Variants in DACH2 observed in about 807,000 individuals in gnomAD.
The protein encoded by DACH2 is dachshund family transcription factor 2, also known as dachshund homolog 2.
DACH2 carries 17 observed loss-of-function variants against 35.8 expected under a neutral mutation model. The ratio of observed to expected loss-of-function variants is 0.48; its 90% CI spans 0.33 to 0.71. DACH2 has a LOEUF of 0.71. DACH2 is among the 30% of genes least tolerant of loss of function. DACH2 has a pLI of 0.02. For synonymous variants in DACH2, 195 were observed against 177.3 expected (o/e 1.10, Z -0.79); for missense variants, 469 against 472.7 (o/e 0.99, Z 0.07).
At chrX:86,490,786 CCTT>C (rs201772041) in intron 2 of DACH2, among the ~76,000 whole-genome samples, 1 of 111,241 alleles carries the variant, frequency 9.0e-6, no homozygotes, top group East Asian at 2.8e-4. Context: ...ATCAGGTTAA[CCTT>C]CTCTGTGATA....
intron 7 of DACH2, among the ~76,000 whole-genome samples, chrX:86,762,559 T>C (rs2041894027): frequency 8.9e-6 from 1 of 111,965 alleles, no homozygotes; most frequent in Admixed American, 9.5e-5. Context: ...TTTTTCTTGA[T>C]AATGAGTAGA....
intron 1 of DACH2, among the ~76,000 whole-genome samples, chrX:86,245,665 A>C (rs2033265705): frequency 8.9e-6 from 1 of 111,838 alleles, no homozygotes; most frequent in Non-Finnish European, 1.9e-5. Flanking sequence ...AGAATATAAA[A>C]GCAAAAAATC....
intron 2 of DACH2, among the ~76,000 whole-genome samples, chrX:86,404,251 C>A (rs113502285): frequency 0.051 from 5,694 of 111,035 alleles, 367 homozygotes; most frequent in African/African-American, 0.18. Context: ...TTAACTCATT[C>A]CAGCATTAAC....
chrX:86,462,327 G>T (rs1402312917), intron 2 of DACH2, among the ~76,000 whole-genome samples: 1 of 111,101 alleles, frequency 9.0e-6, no homozygotes, highest in Non-Finnish European at 1.9e-5. Context: ...CCTTCCTTGG[G>T]AATTACGTTG....
chrX:86,378,909 A>G (rs930527586), intron 2 of DACH2, among the ~76,000 whole-genome samples: 19 of 111,190 alleles, frequency 1.7e-4, no homozygotes, highest in Non-Finnish European at 3.0e-4. Flanking sequence ...ACTTCAAAAT[A>G]GGCAATATAG....
intron 3 of DACH2, among the ~76,000 whole-genome samples, chrX:86,603,550 G>A (rs1198799045): frequency 2.7e-5 from 3 of 111,127 alleles, no homozygotes; most frequent in Non-Finnish European, 5.7e-5. Context: ...TTCATGTTGA[G>A]GCAAAATTCC....
intron 3 of DACH2, among the ~76,000 whole-genome samples, chrX:86,537,344 T>C (rs992587605): frequency 1.2e-4 from 13 of 111,398 alleles, no homozygotes; most frequent in African/African-American, 4.2e-4. Context: ...CAGGTCTTCT[T>C]CCTCTGGCCT....
chrX:86,457,254 G>A (rs1409673641), intron 2 of DACH2, among the ~76,000 whole-genome samples: 1 of 111,742 alleles, frequency 8.9e-6, no homozygotes, highest in Admixed American at 9.5e-5. Flanking sequence ...GTATAAGAAG[G>A]ATGGATAACG....
intron 1 of DACH2, among the ~76,000 whole-genome samples, chrX:86,152,362 G>C (rs1183852455): frequency 9.0e-6 from 1 of 110,763 alleles, no homozygotes; most frequent in Non-Finnish European, 1.9e-5. Flanking sequence ...AGACCTTAAG[G>C]TATTGCCACT....
chrX:86,232,152 G>T (rs929651079), intron 1 of DACH2, among the ~76,000 whole-genome samples: 2 of 111,176 alleles, frequency 1.8e-5, no homozygotes, highest in African/African-American at 6.5e-5. Flanking sequence ...AGGCCAATTG[G>T]GAAAAATCAA....
chrX:86,755,927 T>C (rs2041824583), intron 7 of DACH2, among the ~76,000 whole-genome samples: 1 of 110,675 alleles, frequency 9.0e-6, no homozygotes, highest in Non-Finnish European at 1.9e-5. Flanking sequence ...GTGAGAGATT[T>C]GGGCCTGGTT....
chrX:86,444,356 C>T (rs1410035947), intron 2 of DACH2, among the ~76,000 whole-genome samples: 2 of 111,857 alleles, frequency 1.8e-5, no homozygotes, highest in Non-Finnish European at 3.8e-5. Context: ...TCCCAATAGT[C>T]TAGGACTACA....
At chrX:86,394,100 A>T (rs1429068748) in intron 2 of DACH2, among the ~76,000 whole-genome samples, 1 of 109,317 alleles carries the variant, frequency 9.1e-6, no homozygotes, top group Non-Finnish European at 1.9e-5. Flanking sequence ...CCTCCCCTGT[A>T]ACTGTATAGC....
In DACH2 at chrX:86,481,542, A is replaced by C. The variant is rs1418953244; in HGVS notation, c.528-32737A>C. ...GTATACCAAGTATATCCCTATATAA[A>C]TGACTTCATAATGGCTGAAATTGAA... On this transcript the variant is annotated intron_variant, in intron 2 of 11. Coordinates refer to ENST00000373125, the MANE Select transcript of DACH2 (RefSeq NM_053281.3). 8.0e-5 allele frequency: 9 copies of C among 112,433 alleles called. No individual in the cohort carries two copies. The Admixed American group carries it at 8.5e-4, about 11-fold the overall frequency. The allele number at this position is 112,433 out of a possible 1,213,427, so 9.3% of individuals were successfully genotyped here.
intron 3 of DACH2, among the ~76,000 whole-genome samples, chrX:86,529,437 T>G (rs757703340): frequency 1.9e-4 from 21 of 109,118 alleles, no homozygotes; most frequent in Non-Finnish European, 4.0e-4. Context: ...TTCCCAGTCT[T>G]TGGTATTTAT....
At chrX:86,187,417 G>GT (rs754834305) in intron 1 of DACH2, among the ~76,000 whole-genome samples, 1,238 of 91,204 alleles carry the variant, frequency 0.014, 19 homozygotes, top group African/African-American at 0.035. Context: ...ATCTGACTTA[G>GT]TTTTTTTTTT....
At chrX:86,311,811 G>A (rs2034805776) in intron 1 of DACH2, among the ~76,000 whole-genome samples, 1 of 111,298 alleles carries the variant, frequency 9.0e-6, no homozygotes, top group South Asian at 3.8e-4. Flanking sequence ...GTGTTGGCTG[G>A]GGTGATTGAT....
intron 1 of DACH2, among the ~76,000 whole-genome samples, chrX:86,332,194 C>A (rs983530835): frequency 2.7e-5 from 3 of 110,990 alleles, no homozygotes; most frequent in Non-Finnish European, 1.9e-5. Flanking sequence ...TGATATATGT[C>A]CCTTAGTGGT....
intron 1 of DACH2, chrX:86,262,958 A>T (rs2033653085): frequency 1.3e-6 from 1 of 749,212 alleles, no homozygotes; most frequent in Non-Finnish European, 1.6e-6. Context: ...CCCCCATCCC[A>T]TTCCCAGACA....
Sources: gnomAD v4.1 joint callset for allele counts (sites outside exome capture counted in the v4.1 genomes callset) on GRCh38, gnomAD v4.1.1 for gene constraint, MANE v1.5 for transcripts, NCBI Gene and HGNC (gene_info 2026-07-23, HGNC 2026-07-21) for gene names.